The following EPHB1 variants were observed in gnomAD, a reference collection of about 807,000 sequenced individuals.
The protein encoded by EPHB1 is ephrin type-B receptor 1.
Under a neutral mutation model 94.4 loss-of-function variants are expected in EPHB1, and 30 were observed. The ratio of observed to expected loss-of-function variants is 0.32; its 90% CI spans 0.24 to 0.43. The LOEUF is 0.43. EPHB1 is among the 20% of genes least tolerant of loss of function. The pLI is 1.00. For synonymous variants in EPHB1, 522 were observed against 489.1 expected, an observed-to-expected ratio of 1.07 and a Z score of -0.89; for missense variants, 1,055 against 1,308.3, an observed-to-expected ratio of 0.81 and a Z score of 2.99.
intron 3 of EPHB1, among the ~76,000 whole-genome samples, chr3:134,966,888 G>T (rs974154868): frequency 2.0e-5 from 3 of 152,220 alleles, no homozygotes; most frequent in Non-Finnish European, 4.4e-5. Context: ...ACAGGGCCCC[G>T]CTCTGGCCCT....
intron 3 of EPHB1, among the ~76,000 whole-genome samples, chr3:134,984,415 G>A (rs1286722852): frequency 6.6e-6 from 1 of 152,244 alleles, no homozygotes; most frequent in Non-Finnish European, 1.5e-5. Flanking sequence ...AGAGAAGGGA[G>A]AAGTGGGAGA....
chr3:135,155,787 CAAAAAAAA>C (rs35095229), intron 6 of EPHB1, among the ~76,000 whole-genome samples: 92 of 59,458 alleles, frequency 1.5e-3, no homozygotes, highest in African/African-American at 5.6e-3. Context: ...AAGACTTTGT[CAAAAAAAA>C]AAAAAAAAAA....
chr3:135,153,452 C>T (rs902146148), intron 5 of EPHB1, among the ~76,000 whole-genome samples: 1 of 152,160 alleles, frequency 6.6e-6, no homozygotes, highest in African/African-American at 2.4e-5. Context: ...ATCAACTTTA[C>T]AGATTTTGGA....
chr3:135,094,165 G>A (rs189174630), intron 3 of EPHB1, among the ~76,000 whole-genome samples: 92 of 152,328 alleles, frequency 6.0e-4, no homozygotes, highest in Middle Eastern at 3.4e-3. Context: ...TCAAGCCCTG[G>A]GAAAGAGGGC....
intron 13 of EPHB1, among the ~76,000 whole-genome samples, chr3:135,245,389 G>A (rs1056492314): frequency 6.6e-6 from 1 of 152,078 alleles, no homozygotes; most frequent in Non-Finnish European, 1.5e-5. Context: ...ACAGCCAAAT[G>A]GACCTGTGTT....
intron 4 of EPHB1, among the ~76,000 whole-genome samples, chr3:135,108,566 G>T (rs1302360325): frequency 6.6e-6 from 1 of 152,178 alleles, no homozygotes; most frequent in Non-Finnish European, 1.5e-5. Context: ...GGACTGCACA[G>T]GGATGCAGGT....
chr3:135,063,900 T>TA (rs1937547772), intron 3 of EPHB1, among the ~76,000 whole-genome samples: 1 of 152,168 alleles, frequency 6.6e-6, no homozygotes, highest in South Asian at 2.1e-4. Flanking sequence ...GTTTTAATCA[T>TA]AAAGAGATGC....
At chr3:135,183,031 TTTCTTTCTTTCTTTCTTTCTTTC>T (rs151256976) in intron 10 of EPHB1, among the ~76,000 whole-genome samples, 17,548 of 66,456 alleles carry the variant, frequency 0.26, 1,566 homozygotes, top group East Asian at 0.51. Context: ...TTTTCTTTTC[TTTCTTTCTTTCTTTCTTTCTTTC>T]TTTCTTTCTT....
intron 13 of EPHB1, among the ~76,000 whole-genome samples, chr3:135,247,692 C>CTGT (rs1553753079): frequency 6.6e-6 from 1 of 152,192 alleles, no homozygotes; most frequent in Non-Finnish European, 1.5e-5. Context: ...GTTATTTTGA[C>CTGT]TGTTGTCATT....
intron 3 of EPHB1, among the ~76,000 whole-genome samples, chr3:135,075,859 A>G (rs997628252): frequency 2.6e-5 from 4 of 152,188 alleles, no homozygotes; most frequent in African/African-American, 9.6e-5. Flanking sequence ...AGTCCCAGAA[A>G]ATGTCTTGGC....
At chr3:134,877,161 C>T (rs1048705286) in intron 1 of EPHB1, among the ~76,000 whole-genome samples, 1 of 152,172 alleles carries the variant, frequency 6.6e-6, no homozygotes, top group African/African-American at 2.4e-5. Flanking sequence ...CCTTGATGAA[C>T]ACACTGGTCC....
chr3:135,210,155 G>A (rs1046343512), intron 12 of EPHB1, among the ~76,000 whole-genome samples: 1 of 152,190 alleles, frequency 6.6e-6, no homozygotes, highest in East Asian at 1.9e-4. Flanking sequence ...CTCAAATGTT[G>A]TTGAGTATCA....
At chr3:135,046,585 C>A (rs536887112) in intron 3 of EPHB1, among the ~76,000 whole-genome samples, 239 of 152,264 alleles carry the variant, frequency 1.6e-3, no homozygotes, top group African/African-American at 5.4e-3. Flanking sequence ...TGTGTTTGGG[C>A]AAGTTATACA....
intron 2 of EPHB1, among the ~76,000 whole-genome samples, chr3:134,932,373 A>G (rs9876803): frequency 0.37 from 56,258 of 151,978 alleles, 10,711 homozygotes; most frequent in Middle Eastern, 0.52. Flanking sequence ...GCCCACCTCA[A>G]GTGACTCAGG....
intron 15 of EPHB1, among the ~76,000 whole-genome samples, chr3:135,250,813 A>G (rs1276527355): frequency 1.3e-5 from 2 of 152,100 alleles, no homozygotes; most frequent in East Asian, 1.9e-4. Context: ...CACATTTCTT[A>G]TGGTAGAAGA....
intron 1 of EPHB1, among the ~76,000 whole-genome samples, chr3:134,838,341 G>T (rs2036714755): frequency 6.6e-6 from 1 of 152,164 alleles, no homozygotes; most frequent in Admixed American, 6.5e-5. Context: ...TTGCTGATCT[G>T]GTCAAAGTCT....
intron 1 of EPHB1, among the ~76,000 whole-genome samples, chr3:134,890,602 A>G (rs2037960381): frequency 6.6e-6 from 1 of 152,186 alleles, no homozygotes; most frequent in African/African-American, 2.4e-5. Context: ...ATAGAGCCAG[A>G]CTGTTCTTTG....
At chr3:135,006,857 C>A (rs189556654) in intron 3 of EPHB1, among the ~76,000 whole-genome samples, 1 of 151,680 alleles carries the variant, frequency 6.6e-6, no homozygotes, top group African/African-American at 2.4e-5. Flanking sequence ...AGATAATGCT[C>A]GAACCCATGA....
At chr3:135,196,411 CAG>C (rs1431385033) in intron 11 of EPHB1, among the ~76,000 whole-genome samples, 1 of 152,016 alleles carries the variant, frequency 6.6e-6, no homozygotes. Context: ...CACGGGAAAA[CAG>C]AGGAGCAGGC....
Sources: allele counts gnomAD v4.1 joint callset (sites outside exome capture counted in the v4.1 genomes callset), GRCh38; gene constraint gnomAD v4.1.1; transcripts MANE v1.5; gene names NCBI Gene and HGNC (gene_info 2026-07-23, HGNC 2026-07-21).